PSMD14: variants seen among roughly 807,000 people sequenced by gnomAD.
PSMD14 encodes proteasome 26S subunit, non-ATPase 14.
PSMD14 carries 7 observed loss-of-function variants against 41.2 expected under a neutral mutation model. That is an observed-to-expected ratio of 0.17 (90% confidence interval 0.10 to 0.32). The LOEUF is 0.32. PSMD14 is among the 10% of genes least tolerant of loss of function. The pLI is 1.00. For synonymous variants in PSMD14, 114 were observed against 122.3 expected (o/e 0.93, Z 0.45); for missense variants, 139 against 375.6 (o/e 0.37, Z 5.21).
At chr2:161,356,986 T>A (rs1287637733) in intron 3 of PSMD14, among the ~76,000 whole-genome samples, 1 of 151,326 alleles carries the variant, frequency 6.6e-6, no homozygotes, top group African/African-American at 2.4e-5. Flanking sequence ...GGTGGAGTAA[T>A]ATAACTAATA....
At chr2:161,382,923 T>C (rs1683586979) in intron 7 of PSMD14, 1 of 151,744 alleles carries the variant, frequency 6.6e-6, no homozygotes, top group Non-Finnish European at 1.5e-5. Context: ...GTGTTATATC[T>C]AAGATTTCTG....
intron 10 of PSMD14, among the ~76,000 whole-genome samples, chr2:161,399,009 A>C (rs951850612): frequency 5.3e-5 from 8 of 152,146 alleles, no homozygotes; most frequent in Non-Finnish European, 1.2e-4. Flanking sequence ...TAGGTGGTAA[A>C]CAGTTATATA....
chr2:161,368,273 T>C (rs969495580), intron 5 of PSMD14, among the ~76,000 whole-genome samples: 4 of 152,130 alleles, frequency 2.6e-5, no homozygotes, highest in Non-Finnish European at 5.9e-5. Context: ...AACTCACATA[T>C]ACTGGTTCTT....
intron 10 of PSMD14, among the ~76,000 whole-genome samples, chr2:161,396,477 GAC>G (rs1371410138): frequency 1.3e-5 from 2 of 152,134 alleles, no homozygotes; most frequent in Admixed American, 1.3e-4. Flanking sequence ...TGTCATTTAT[GAC>G]AACATGGATA....
chr2:161,316,416 T>G (rs1158704501), intron 1 of PSMD14, 21 bp from the exon 2 acceptor site: 2 of 152,214 alleles, frequency 1.3e-5, no homozygotes, highest in Non-Finnish European at 2.9e-5. Context: ...AATTATATTT[T>G]ATTTTGTTTA....
intron 3 of PSMD14, among the ~76,000 whole-genome samples, chr2:161,332,379 T>G (rs1682807029): frequency 6.6e-6 from 1 of 152,210 alleles, no homozygotes. Flanking sequence ...CAAAATATGT[T>G]GTTTTATTTA....
At chr2:161,322,334 C>T (rs1412987276) in intron 3 of PSMD14, among the ~76,000 whole-genome samples, 2 of 152,070 alleles carry the variant, frequency 1.3e-5, no homozygotes, top group East Asian at 3.8e-4. Context: ...TAATATAACC[C>T]AGTAGTAGTA....
chr2:161,345,745 T>C (rs1245887760), intron 3 of PSMD14, among the ~76,000 whole-genome samples: 1 of 152,162 alleles, frequency 6.6e-6, no homozygotes, highest in Admixed American at 6.5e-5. Context: ...CTTAAATATT[T>C]TTTTCTATTC....
At chr2:161,315,258 C>T (rs1391062812) in intron 1 of PSMD14, among the ~76,000 whole-genome samples, 4 of 152,074 alleles carry the variant, frequency 2.6e-5, no homozygotes, top group East Asian at 1.9e-4. Flanking sequence ...GACAGCCCCA[C>T]GAACAACAAA....
intron 3 of PSMD14, among the ~76,000 whole-genome samples, chr2:161,354,810 T>C (rs969598817): frequency 6.6e-6 from 1 of 152,212 alleles, no homozygotes; most frequent in African/African-American, 2.4e-5. Flanking sequence ...TATGTTACTT[T>C]GATAGGGTCT....
intron 1 of PSMD14, among the ~76,000 whole-genome samples, chr2:161,310,967 C>G (rs188095062): frequency 1.3e-5 from 2 of 152,096 alleles, no homozygotes. Context: ...CTTTGGGTTC[C>G]GCATCTGTAG....
intron 1 of PSMD14, among the ~76,000 whole-genome samples, chr2:161,312,666 A>C (rs1190803671): frequency 6.6e-6 from 1 of 152,182 alleles, no homozygotes; most frequent in Non-Finnish European, 1.5e-5. Flanking sequence ...ATTTTCCATA[A>C]AGTTAATTAT....
intron 3 of PSMD14, among the ~76,000 whole-genome samples, chr2:161,358,310 A>G (rs1215791314): frequency 6.6e-6 from 1 of 152,182 alleles, no homozygotes; most frequent in Non-Finnish European, 1.5e-5. Flanking sequence ...TTTTAGTTGA[A>G]TGTAAATACA....
At chr2:161,336,850 T>C (rs562982305) in intron 3 of PSMD14, among the ~76,000 whole-genome samples, 3 of 152,302 alleles carry the variant, frequency 2.0e-5, no homozygotes, top group Admixed American at 2.0e-4. Flanking sequence ...GCTGGGATTA[T>C]AGGCGTGAGC....
chr2:161,367,993 T>G, intron 5 of PSMD14, 90 bp downstream of exon 5: 1 of 1,380,618 alleles, frequency 7.2e-7, no homozygotes, highest in East Asian at 2.6e-5. Context: ...CATATTACAT[T>G]TTCTCTTTCC....
At chr2:161,396,149 A>C (rs1683790287) in intron 10 of PSMD14, among the ~76,000 whole-genome samples, 1 of 152,218 alleles carries the variant, frequency 6.6e-6, no homozygotes, top group South Asian at 2.1e-4. Context: ...ACAACATTTG[A>C]ACTAGGCCTT....
At chr2:161,358,339 T>C (rs551859028) in intron 3 of PSMD14, among the ~76,000 whole-genome samples, 1 of 152,336 alleles carries the variant, frequency 6.6e-6, no homozygotes, top group East Asian at 1.9e-4. Flanking sequence ...ATAAAATAGT[T>C]ATAACTTAAG....
At chr2:161,352,872 C>G (rs949868531) in intron 3 of PSMD14, among the ~76,000 whole-genome samples, 1 of 152,092 alleles carries the variant, frequency 6.6e-6, no homozygotes, top group Non-Finnish European at 1.5e-5. Flanking sequence ...CCTCCAGGGC[C>G]CAGCTTTTAT....
At chr2:161,400,847 C>G (rs1274732724) in intron 10 of PSMD14, among the ~76,000 whole-genome samples, 1 of 151,570 alleles carries the variant, frequency 6.6e-6, no homozygotes, top group Non-Finnish European at 1.5e-5. Flanking sequence ...CACCTGGCAG[C>G]CCAGAAATAT....
Sources: gnomAD v4.1 joint callset for allele counts (sites outside exome capture counted in the v4.1 genomes callset) on GRCh38, gnomAD v4.1.1 for gene constraint, MANE v1.5 for transcripts, NCBI Gene and HGNC (gene_info 2026-07-23, HGNC 2026-07-21) for gene names.